The following PIP5K1B variants were observed in gnomAD, a reference collection of about 807,000 sequenced individuals.
PIP5K1B encodes phosphatidylinositol-4-phosphate 5-kinase type 1 beta.
PIP5K1B carries 42 observed loss-of-function variants against 67.0 expected under a neutral mutation model. The observed-to-expected ratio is 0.63, with a 90% confidence interval of 0.49 to 0.81. PIP5K1B has a LOEUF of 0.81. Among genes scored for constraint, PIP5K1B ranks in the 30% least tolerant of loss-of-function variants. The probability of loss-of-function intolerance (pLI) is 0.00; values close to 1 mark genes in which losing one functional copy is unlikely to be tolerated. For synonymous variants in PIP5K1B, 214 were observed against 231.4 expected (o/e 0.92, Z 0.68); for missense variants, 459 against 646.3 (o/e 0.71, Z 3.14).
At chr9:68,793,824 T>A (rs889612475) in intron 2 of PIP5K1B, among the ~76,000 whole-genome samples, 1 of 152,150 alleles carries the variant, frequency 6.6e-6, no homozygotes, top group Non-Finnish European at 1.5e-5. Context: ...GTCATCTGCC[T>A]GTGGATAGTG....
At chr9:68,991,319 C>T in intron 15 of PIP5K1B, 62 bp downstream of exon 15, 1 of 879,410 alleles carries the variant, frequency 1.1e-6, no homozygotes, top group Non-Finnish European at 1.9e-6. Context: ...CAGGCCATGG[C>T]TTACACAAGA....
intron 4 of PIP5K1B, among the ~76,000 whole-genome samples, chr9:68,849,818 T>G (rs771858275): frequency 6.6e-5 from 10 of 151,534 alleles, no homozygotes; most frequent in Non-Finnish European, 1.2e-4. Context: ...TAGTTAAGAG[T>G]TTTTTTTTAA....
chr9:68,889,375 A>AT (rs1824652065), intron 7 of PIP5K1B, among the ~76,000 whole-genome samples: 3 of 152,136 alleles, frequency 2.0e-5, no homozygotes, highest in Admixed American at 2.0e-4. Context: ...TCAGCCAATA[A>AT]TTAACTGTGT....
At chr9:68,920,811 C>CACAT (rs1245471464) in intron 11 of PIP5K1B, among the ~76,000 whole-genome samples, 1 of 151,500 alleles carries the variant, frequency 6.6e-6, no homozygotes, top group African/African-American at 2.4e-5. Flanking sequence ...CATACACACA[C>CACAT]ACACACACAC....
intron 12 of PIP5K1B, among the ~76,000 whole-genome samples, chr9:68,927,054 T>C (rs1036176926): frequency 3.3e-5 from 5 of 152,258 alleles, no homozygotes; most frequent in African/African-American, 1.2e-4. Context: ...TTTGGCTTTT[T>C]GCACTTAACA....
intron 4 of PIP5K1B, among the ~76,000 whole-genome samples, chr9:68,836,410 AGG>A (rs769423500): frequency 6.8e-4 from 104 of 152,178 alleles, no homozygotes; most frequent in Non-Finnish European, 1.2e-3. Flanking sequence ...ACAAAATCAA[AGG>A]ATGGAGTCTT....
At chr9:68,938,169 CGTT>C (rs1827367821) in intron 13 of PIP5K1B, among the ~76,000 whole-genome samples, 1 of 152,118 alleles carries the variant, frequency 6.6e-6, no homozygotes, top group African/African-American at 2.4e-5. Context: ...TTTTCTGTCT[CGTT>C]GATCTGTCTA....
chr9:68,925,306 C>CT (rs1826633655), intron 12 of PIP5K1B, among the ~76,000 whole-genome samples: 3 of 152,034 alleles, frequency 2.0e-5, no homozygotes, highest in Non-Finnish European at 4.4e-5. Flanking sequence ...ATAAAATGCA[C>CT]GTAACTGCGC....
chr9:69,008,656 T>C lies in PIP5K1B; in HGVS notation c.*207T>C. On this transcript the variant is annotated 3_prime_UTR_variant, in exon 16 of 16. Transcript: ENST00000265382. ...GAAAAATACTACCCTATTCTATCAT[T>C]TGCTGTTGCTTGCTGAACTGTGAAG... 1 of 578,028 alleles carries C rather than the reference T, an allele frequency of 1.7e-6. No homozygotes were observed. The highest frequency in any genetic ancestry group is 3.2e-6 in the Non-Finnish European group (1 of 312,760). The allele number at this position is 578,028 out of a possible 1,614,324, so 35.8% of individuals were successfully genotyped here.
rs1256963627 is a variant in PIP5K1B at position 68,705,673 on chromosome 9, G to T, written c.-332G>T. On this transcript the variant is annotated 5_prime_UTR_variant, in exon 1 of 16. Transcript: ENST00000265382. ...CCCTCGCCTGCACTGCTCTCCCTTC[G>T]CTGTGGGGAAGCGACAACGTCCCGA... 7 of 144,536 alleles carry T rather than the reference G, an allele frequency of 4.8e-5. No individual in the cohort carries two copies. Among genetic ancestry groups the T allele is most frequent in the African/African-American group, 1.0e-4 (4 of 38,592 alleles). The allele number at this position is 144,536 out of a possible 1,614,324, so 9.0% of individuals were successfully genotyped here.
chr9:68,852,317 C>CA (rs1440648176), intron 4 of PIP5K1B, among the ~76,000 whole-genome samples: 1 of 151,984 alleles, frequency 6.6e-6, no homozygotes, highest in Non-Finnish European at 1.5e-5. Flanking sequence ...TGTCTTGAGG[C>CA]AAAATGTACC....
At chr9:68,867,470 C>T (rs1823415659) in intron 5 of PIP5K1B, among the ~76,000 whole-genome samples, 1 of 152,224 alleles carries the variant, frequency 6.6e-6, no homozygotes, top group African/African-American at 2.4e-5. Context: ...CAGTGTTTCT[C>T]AATGGAGGTG....
intron 2 of PIP5K1B, among the ~76,000 whole-genome samples, chr9:68,779,715 C>A (rs1309385105): frequency 6.6e-6 from 1 of 152,150 alleles, no homozygotes; most frequent in African/African-American, 2.4e-5. Flanking sequence ...CCCATTTCGC[C>A]CACTTCTTCA....
chr9:68,971,394 T>C (rs895572965), intron 14 of PIP5K1B, among the ~76,000 whole-genome samples: 1 of 152,238 alleles, frequency 6.6e-6, no homozygotes, highest in Non-Finnish European at 1.5e-5. Context: ...TAGTCTATCA[T>C]TGATGGGCAT....
intron 8 of PIP5K1B, among the ~76,000 whole-genome samples, chr9:68,912,265 C>A (rs1825892462): frequency 6.6e-6 from 1 of 152,190 alleles, no homozygotes; most frequent in South Asian, 2.1e-4. Flanking sequence ...GAAGATCCAT[C>A]AACTTCCACA....
At chr9:68,979,549 CAG>C (rs1829796978) in intron 14 of PIP5K1B, among the ~76,000 whole-genome samples, 3 of 152,242 alleles carry the variant, frequency 2.0e-5, no homozygotes, top group African/African-American at 7.2e-5. Flanking sequence ...CTATCACACA[CAG>C]AGTCACTCCC....
Position 68,999,253 on chromosome 9 carries a change from G to T in PIP5K1B, c.1620+7996G>T, listed in dbSNP as rs1830716055. Among the ~76,000 whole-genome samples, 3 of 152,260 alleles carry T rather than the reference G, an allele frequency of 2.0e-5. No homozygotes were observed. The South Asian group carries it at 6.2e-4, about 32-fold the overall frequency. On this transcript the variant is annotated intron_variant, in intron 15 of 15. Transcript: ENST00000265382. ...CATCTTAACTAATTACATCTGCAAA[G>T]ACCCTATTTCCAAATAAGGTTACGG...
intron 1 of PIP5K1B, among the ~76,000 whole-genome samples, chr9:68,727,001 CAT>C (rs1349571183): frequency 3.3e-5 from 5 of 151,552 alleles, no homozygotes; most frequent in African/African-American, 1.2e-4. Flanking sequence ...TTTTAGCACA[CAT>C]ATTTTTTATA....
intron 1 of PIP5K1B, among the ~76,000 whole-genome samples, chr9:68,731,235 A>G (rs183250058): frequency 1.1e-3 from 162 of 152,358 alleles, no homozygotes; most frequent in Non-Finnish European, 1.9e-3. Context: ...TGTTGTGCCA[A>G]TATGATTTCT....
Sources: allele counts gnomAD v4.1 joint callset (sites outside exome capture counted in the v4.1 genomes callset), GRCh38; gene constraint gnomAD v4.1.1; transcripts MANE v1.5; gene names NCBI Gene and HGNC (gene_info 2026-07-23, HGNC 2026-07-21).